Variants in MARCHF1 observed in about 807,000 individuals in gnomAD.
The protein encoded by MARCHF1 is membrane associated ring-CH-type finger 1.
MARCHF1 carries 40 observed loss-of-function variants against 54.2 expected under a neutral mutation model. The ratio of observed to expected loss-of-function variants is 0.74; its 90% CI spans 0.57 to 0.96. The LOEUF (loss-of-function observed/expected upper bound fraction) is 0.96, where lower values mean the gene tolerates loss of function less well. MARCHF1 is among the 40% of genes least tolerant of loss of function. The pLI is 0.00. For missense variants in MARCHF1, 586 were observed against 656.5 expected, an observed-to-expected ratio of 0.89 and a Z score of 1.17; for synonymous variants, 236 against 236.3, an observed-to-expected ratio of 1.00 and a Z score of 0.01.
At chr4:163,622,263 G>A (rs1312253227) in intron 5 of MARCHF1, among the ~76,000 whole-genome samples, 1 of 152,012 alleles carries the variant, frequency 6.6e-6, no homozygotes, top group African/African-American at 2.4e-5. Context: ...AGTGACAAGA[G>A]AACTGGCCCC....
intron 1 of MARCHF1, among the ~76,000 whole-genome samples, chr4:164,168,357 C>G (rs1730434284): frequency 6.6e-6 from 1 of 152,000 alleles, no homozygotes; most frequent in Admixed American, 6.6e-5. Context: ...TAATTAAAAA[C>G]AGAGCTACCA....
intron 3 of MARCHF1, among the ~76,000 whole-genome samples, chr4:163,953,538 C>T (rs1330985995): frequency 6.6e-5 from 10 of 152,008 alleles, no homozygotes; most frequent in African/African-American, 9.7e-5. Context: ...CTCAGATCTA[C>T]GTATATAGTG....
chr4:163,813,593 A>T (rs1164394399), intron 4 of MARCHF1, among the ~76,000 whole-genome samples: 1 of 152,212 alleles, frequency 6.6e-6, no homozygotes, highest in Non-Finnish European at 1.5e-5. Flanking sequence ...ATATTTGAAT[A>T]CATAAATTAC....
chr4:164,262,134 A>C (rs1438863734), intron 1 of MARCHF1, among the ~76,000 whole-genome samples: 8 of 143,964 alleles, frequency 5.6e-5, no homozygotes, highest in Non-Finnish European at 1.2e-4. Context: ...AAGAATAGAG[A>C]GAATGCTGAG....
intron 3 of MARCHF1, among the ~76,000 whole-genome samples, chr4:163,866,897 G>A (rs536564207): frequency 1.3e-4 from 19 of 151,978 alleles, no homozygotes; most frequent in African/African-American, 3.6e-4. Flanking sequence ...AGACCTTGAG[G>A]ACATGTTACT....
chr4:163,854,853 A>G (rs1749730532), intron 3 of MARCHF1, among the ~76,000 whole-genome samples: 1 of 152,174 alleles, frequency 6.6e-6, no homozygotes, highest in Non-Finnish European at 1.5e-5. Flanking sequence ...TCTCTGAAAA[A>G]GTCATATCAA....
intron 1 of MARCHF1, among the ~76,000 whole-genome samples, chr4:164,371,868 G>A (rs1731046274): frequency 6.6e-6 from 1 of 152,066 alleles, no homozygotes; most frequent in East Asian, 1.9e-4. Flanking sequence ...AACTAATTTA[G>A]AGAATTACTT....
At chr4:163,763,420 G>T (rs1160218158) in intron 4 of MARCHF1, among the ~76,000 whole-genome samples, 2 of 151,946 alleles carry the variant, frequency 1.3e-5, no homozygotes, top group Admixed American at 1.3e-4. Flanking sequence ...CAGTTTCTCT[G>T]GAGCATTGAT....
At chr4:164,195,587 G>C (rs1731233649) in intron 1 of MARCHF1, among the ~76,000 whole-genome samples, 1 of 152,092 alleles carries the variant, frequency 6.6e-6, no homozygotes, top group African/African-American at 2.4e-5. Context: ...CTAGCTCTAT[G>C]ACTCCCTGAC....
At chr4:164,301,552 T>C (rs1356432795) in intron 1 of MARCHF1, among the ~76,000 whole-genome samples, 1 of 152,100 alleles carries the variant, frequency 6.6e-6, no homozygotes. Context: ...GGTTTGTACA[T>C]TAGGGAATCA....
At chr4:163,744,640 C>T (rs1169955749) in intron 4 of MARCHF1, among the ~76,000 whole-genome samples, 4 of 152,110 alleles carry the variant, frequency 2.6e-5, no homozygotes, top group African/African-American at 9.7e-5. Context: ...TTTTCTTAAT[C>T]GTGCATTGCT....
At chr4:163,947,903 T>C (rs865894955) in intron 3 of MARCHF1, among the ~76,000 whole-genome samples, 7 of 152,234 alleles carry the variant, frequency 4.6e-5, no homozygotes, top group Non-Finnish European at 5.9e-5. Context: ...TTTAGTTTCT[T>C]AGGAGAAAAA....
chr4:163,635,412 A>T (rs1034762095), intron 5 of MARCHF1, among the ~76,000 whole-genome samples: 1 of 150,968 alleles, frequency 6.6e-6, no homozygotes, highest in African/African-American at 2.4e-5. Context: ...TAAAGGGGAT[A>T]TCACCACCGA....
intron 2 of MARCHF1, among the ~76,000 whole-genome samples, chr4:164,069,033 A>G (rs924683913): frequency 1.3e-5 from 2 of 152,146 alleles, no homozygotes; most frequent in African/African-American, 4.8e-5. Flanking sequence ...TTGTGAATGC[A>G]CCAACCGGCA....
intron 4 of MARCHF1, among the ~76,000 whole-genome samples, chr4:163,838,683 C>G (rs1749258288): frequency 6.6e-6 from 1 of 152,024 alleles, no homozygotes; most frequent in Admixed American, 6.5e-5. Context: ...GCAGATGTTG[C>G]TAGGATAACT....
chr4:163,540,817 T>C (rs1738698126), intron 9 of MARCHF1, among the ~76,000 whole-genome samples: 1 of 152,114 alleles, frequency 6.6e-6, no homozygotes, highest in Admixed American at 6.5e-5. Context: ...AGCCCAGGTG[T>C]TCAGGACCAG....
intron 1 of MARCHF1, among the ~76,000 whole-genome samples, chr4:164,262,708 G>A (rs1319472925): frequency 2.0e-5 from 3 of 152,178 alleles, no homozygotes; most frequent in Non-Finnish European, 4.4e-5. Context: ...ATTAGACAAT[G>A]ATGCTGACAG....
chr4:163,992,661 C>T (rs915907646), intron 2 of MARCHF1, among the ~76,000 whole-genome samples: 2 of 150,860 alleles, frequency 1.3e-5, no homozygotes, highest in Admixed American at 1.3e-4. Context: ...TTAGGATCAC[C>T]ACTTGAAAGG....
chr4:163,843,040 G>A (rs1351335697), intron 4 of MARCHF1, among the ~76,000 whole-genome samples: 4 of 151,898 alleles, frequency 2.6e-5, no homozygotes, highest in Admixed American at 1.3e-4. Flanking sequence ...AGTAGTCCCC[G>A]GTGTTTATTG....
Sources: gnomAD v4.1 joint callset for allele counts (sites outside exome capture counted in the v4.1 genomes callset) on GRCh38, gnomAD v4.1.1 for gene constraint, MANE v1.5 for transcripts, NCBI Gene and HGNC (gene_info 2026-07-23, HGNC 2026-07-21) for gene names.